The following FGF7 variants were observed in gnomAD, a reference collection of about 807,000 sequenced individuals.
FGF7 encodes the protein FGF-7.
FGF7 carries 6 observed loss-of-function variants against 20.5 expected under a neutral mutation model. That is an observed-to-expected ratio of 0.29 (90% CI 0.16 to 0.58). The LOEUF is 0.58. Among genes scored for constraint, FGF7 ranks in the 20% least tolerant of loss-of-function variants. The probability of loss-of-function intolerance (pLI) is 0.90; values close to 1 mark genes in which losing one functional copy is unlikely to be tolerated. For synonymous variants in FGF7, 64 were observed against 74.7 expected (o/e 0.86, Z 0.74); for missense variants, 144 against 228.8 (o/e 0.63, Z 2.39).
At chr15:49,468,221 G>A (rs1011009106) in intron 2 of FGF7, among the ~76,000 whole-genome samples, 4 of 149,672 alleles carry the variant, frequency 2.7e-5, no homozygotes, top group Admixed American at 2.0e-4. Context: ...GGATTAATAA[G>A]AAGTATGTTT....
At chr15:49,446,594 A>G (rs952520662) in intron 2 of FGF7, among the ~76,000 whole-genome samples, 3 of 151,352 alleles carry the variant, frequency 2.0e-5, no homozygotes, top group Admixed American at 6.6e-5. Context: ...GAGGGTAAAG[A>G]GCTTTTTTAA....
intron 2 of FGF7, among the ~76,000 whole-genome samples, chr15:49,479,569 G>A (rs2152003122): frequency 6.9e-6 from 1 of 144,206 alleles, no homozygotes; most frequent in African/African-American, 2.5e-5. Flanking sequence ...CTTCTGATTT[G>A]GAGGGTAGGA....
At chr15:49,454,068 T>A (rs1438158957) in intron 2 of FGF7, among the ~76,000 whole-genome samples, 2 of 152,186 alleles carry the variant, frequency 1.3e-5, no homozygotes, top group African/African-American at 2.4e-5. Context: ...ATAGAAAAGA[T>A]GTGTCAGACA....
At chr15:49,428,711 A>T (rs1373480107) in intron 2 of FGF7, among the ~76,000 whole-genome samples, 1 of 151,986 alleles carries the variant, frequency 6.6e-6, no homozygotes, top group African/African-American at 2.4e-5. Context: ...AATTACTAAA[A>T]AGTTGTGCTC....
intron 2 of FGF7, among the ~76,000 whole-genome samples, chr15:49,480,836 T>C (rs2055880900): frequency 2.0e-5 from 3 of 152,056 alleles, no homozygotes; most frequent in East Asian, 3.9e-4. Context: ...AGGCAGGGGA[T>C]AGAGGAAAAT....
Position 49,487,274 on chromosome 15 carries a change from T to A in FGF7, c.*2770T>A, listed in dbSNP as rs1025593426. The A allele has an allele frequency of 2.6e-5, 4 of 151,888 alleles. No individual in the cohort carries two copies. Among genetic ancestry groups the A allele is most frequent in the Admixed American group, 2.0e-4 (3 of 15,214 alleles). The allele number at this position is 151,888 out of a possible 1,614,324, so 9.4% of individuals were successfully genotyped here. Reference sequence around the variant, plus strand: ...ATACATATAAGCAGAGTAAGCCTTTTAAAAATGTTCTTTGAAAGATAAAAT... The same window carrying A: ...ATACATATAAGCAGAGTAAGCCTTTAAAAAATGTTCTTTGAAAGATAAAAT... On this transcript the variant is annotated 3_prime_UTR_variant, in exon 4 of 4. Coordinates refer to ENST00000267843, the MANE Select transcript of FGF7 (RefSeq NM_002009.4).
intron 2 of FGF7, among the ~76,000 whole-genome samples, chr15:49,469,509 T>TA (rs1175844506): frequency 6.6e-6 from 1 of 152,098 alleles, no homozygotes; most frequent in Non-Finnish European, 1.5e-5. Context: ...CTCCCTTTCT[T>TA]AGAGTCAGAA....
chr15:49,479,412 A>G (rs918119988), intron 2 of FGF7, among the ~76,000 whole-genome samples: 33 of 152,160 alleles, frequency 2.2e-4, no homozygotes, highest in African/African-American at 8.0e-4. Flanking sequence ...AAATCCACAA[A>G]GAAAGACAGC....
chr15:49,443,924 TC>T (rs34118871), intron 2 of FGF7, among the ~76,000 whole-genome samples: 46,987 of 151,410 alleles, frequency 0.31, 7,690 homozygotes, highest in East Asian at 0.51. Flanking sequence ...TCCCTGAGAG[TC>T]AGTTGTTAAA....
intron 2 of FGF7, among the ~76,000 whole-genome samples, chr15:49,456,375 C>G (rs1042646826): frequency 2.6e-5 from 4 of 151,986 alleles, no homozygotes; most frequent in Non-Finnish European, 5.9e-5. Context: ...TCTTATATGA[C>G]AAGTCATTTC....
At chr15:49,428,793 A>G (rs1282066666) in intron 2 of FGF7, among the ~76,000 whole-genome samples, 1 of 152,014 alleles carries the variant, frequency 6.6e-6, no homozygotes, top group Non-Finnish European at 1.5e-5. Context: ...CTTGATTATA[A>G]TGAAGCACTG....
intron 2 of FGF7, among the ~76,000 whole-genome samples, chr15:49,444,068 A>G (rs1486488473): frequency 6.6e-6 from 1 of 151,722 alleles, no homozygotes; most frequent in East Asian, 1.9e-4. Flanking sequence ...ACAAGGATGC[A>G]AGGTCACCTT....
intron 2 of FGF7, among the ~76,000 whole-genome samples, chr15:49,467,022 C>T (rs1398162944): frequency 1.1e-4 from 17 of 152,000 alleles, no homozygotes; most frequent in Non-Finnish European, 1.5e-5. Context: ...GATTTGAAAC[C>T]AAAATGTTTA....
chr15:49,469,513 G>A (rs1391217778), intron 2 of FGF7, among the ~76,000 whole-genome samples: 1 of 152,026 alleles, frequency 6.6e-6, no homozygotes, highest in Non-Finnish European at 1.5e-5. Flanking sequence ...CTTTCTTAGA[G>A]TCAGAACAAG....
intron 2 of FGF7, among the ~76,000 whole-genome samples, chr15:49,476,952 C>T (rs1268958346): frequency 2.0e-5 from 3 of 151,410 alleles, no homozygotes; most frequent in Admixed American, 6.6e-5. Flanking sequence ...CCCAGCTACT[C>T]GGGAGGCTGA....
At chr15:49,465,631 T>TG (rs2054203852) in intron 2 of FGF7, among the ~76,000 whole-genome samples, 1 of 152,116 alleles carries the variant, frequency 6.6e-6, no homozygotes, top group Non-Finnish European at 1.5e-5. Flanking sequence ...CAGAGATATT[T>TG]GGGGTTCTCT....
intron 2 of FGF7, among the ~76,000 whole-genome samples, chr15:49,435,488 T>C (rs563437802): frequency 9.2e-5 from 14 of 151,744 alleles, no homozygotes; most frequent in African/African-American, 3.1e-4. Flanking sequence ...GCTACTTTCA[T>C]AAAACTACTG....
chr15:49,425,052 G>A (rs994705487), intron 2 of FGF7: 4 of 152,530 alleles, frequency 2.6e-5, no homozygotes, highest in African/African-American at 9.7e-5. Flanking sequence ...TACTTAATCT[G>A]TGCTAAGATA....
chr15:49,469,542 T>A (rs1166258128), intron 2 of FGF7, among the ~76,000 whole-genome samples: 1 of 152,112 alleles, frequency 6.6e-6, no homozygotes, highest in African/African-American at 2.4e-5. Context: ...ATTTCTGTAG[T>A]CAAGGCCAAA....
Sources: allele counts gnomAD v4.1 joint callset (sites outside exome capture counted in the v4.1 genomes callset), GRCh38; gene constraint gnomAD v4.1.1; transcripts MANE v1.5; gene names NCBI Gene and HGNC (gene_info 2026-07-23, HGNC 2026-07-21).